The following USP7 variants were observed in gnomAD, a reference collection of about 807,000 sequenced individuals.
USP7 encodes the protein ubiquitin C-terminal hydrolase 7.
Under a neutral mutation model 162.9 loss-of-function variants are expected in USP7, and 9 were observed. The ratio of observed to expected loss-of-function variants is 0.06; its 90% confidence interval spans 0.03 to 0.10. USP7 has a LOEUF of 0.10. Ranked by LOEUF, USP7 falls within the 10% of genes least tolerant of loss-of-function variation. The probability of loss-of-function intolerance (pLI) is 1.00; values close to 1 mark genes in which losing one functional copy is unlikely to be tolerated. For synonymous variants in USP7, 562 were observed against 475.9 expected (o/e 1.18, Z -2.35); for missense variants, 715 against 1,373.7 (o/e 0.52, Z 7.58).
At chr16:8,954,795 CTAAA>C (rs1899717310) in intron 1 of USP7, among the ~76,000 whole-genome samples, 1 of 151,980 alleles carries the variant, frequency 6.6e-6, no homozygotes, top group African/African-American at 2.4e-5. Flanking sequence ...CCCCCCTCTA[CTAAA>C]GATACAAAAA....
At chr16:8,911,085 T>G (rs541576276) in intron 10 of USP7, among the ~76,000 whole-genome samples, 2 of 152,214 alleles carry the variant, frequency 1.3e-5, no homozygotes, top group African/African-American at 4.8e-5. Context: ...TTTACTGTTA[T>G]TCGAACAAAG....
intron 1 of USP7, among the ~76,000 whole-genome samples, chr16:8,945,031 G>C (rs565858658): frequency 2.6e-5 from 4 of 152,144 alleles, no homozygotes; most frequent in African/African-American, 9.7e-5. Context: ...GCAGATGAAA[G>C]ACCTGAGGTC....
intron 1 of USP7, among the ~76,000 whole-genome samples, chr16:8,950,142 T>C (rs1899483100): frequency 6.6e-6 from 1 of 152,242 alleles, no homozygotes; most frequent in Non-Finnish European, 1.5e-5. Context: ...ACATGAAATA[T>C]GGCCATGGAG....
At chr16:8,907,361 CTG>C (rs2061877214) in intron 12 of USP7, among the ~76,000 whole-genome samples, 1 of 152,206 alleles carries the variant, frequency 6.6e-6, no homozygotes, top group African/African-American at 2.4e-5. Context: ...ACGGTAAAGA[CTG>C]TGAATGGGTG....
At chr16:8,918,314 G>C (rs1213600460) in intron 6 of USP7, among the ~76,000 whole-genome samples, 3 of 152,232 alleles carry the variant, frequency 2.0e-5, no homozygotes, top group African/African-American at 7.2e-5. Flanking sequence ...ATAATCACAA[G>C]TAATTCTCAA....
chr16:8,944,149 C>T (rs1194968610), intron 1 of USP7, among the ~76,000 whole-genome samples: 1 of 151,912 alleles, frequency 6.6e-6, no homozygotes, highest in African/African-American at 2.4e-5. Flanking sequence ...TCCTTCTTGC[C>T]TTTTTGCTTG....
chr16:8,963,176 G>T (rs1438145671), intron 1 of USP7, 31 bp downstream of exon 1: 64 of 1,393,980 alleles, frequency 4.6e-5, no homozygotes, highest in Non-Finnish European at 6.0e-5. Context: ...GGCGCCCCCC[G>T]GCCCCGCCGC....
At chr16:8,912,733 G>C (rs1383382860) in intron 10 of USP7, among the ~76,000 whole-genome samples, 1 of 150,926 alleles carries the variant, frequency 6.6e-6, no homozygotes, top group Non-Finnish European at 1.5e-5. Context: ...GACTAGCCTG[G>C]CCTAACACAG....
chr16:8,913,662 A>T (rs2061985287), intron 10 of USP7, among the ~76,000 whole-genome samples: 1 of 152,100 alleles, frequency 6.6e-6, no homozygotes, highest in Non-Finnish European at 1.5e-5. Context: ...ATTCCTAACG[A>T]GAATCCATAT....
In USP7 at chr16:8,946,366, T is replaced by TG. The variant is rs1225982200; in HGVS notation, c.80-15970dup. Among the ~76,000 whole-genome samples the TG allele has an allele frequency of 2.0e-5, 3 of 152,038 alleles. No homozygotes were observed. In the East Asian group the frequency reaches 5.8e-4, roughly 29 times the overall value. On this transcript the variant is annotated intron_variant, in intron 1 of 30. Coordinates refer to ENST00000344836, the MANE Select transcript of USP7 (RefSeq NM_003470.3). ...GAGGCTGAGGCAGGAGGATCACTTG[T>TG]GGCCAGGAGTTCAAGACCAGCCTGG...
rs1051564015 is a variant in USP7, at chr16:8,893,849, C to G, written c.*149G>C. The G allele has an allele frequency of 1.5e-6, 1 of 681,512 alleles. No individual in the cohort carries two copies. Among genetic ancestry groups the G allele is most frequent in the Non-Finnish European group, 2.6e-6 (1 of 391,932 alleles). The allele number at this position is 681,512 out of a possible 1,614,324, so 42.2% of individuals were successfully genotyped here. A position where few individuals can be genotyped will look rare whatever the true frequency, so the allele number is the denominator to read the frequency against. On this transcript the variant is annotated 3_prime_UTR_variant, in exon 31 of 31. Coordinates refer to ENST00000344836, the MANE Select transcript of USP7 (RefSeq NM_003470.3). ...GGGCAGTCAATAGATACAGAGAAGC[C>G]AAACTGAACAGCCTCAATAAAATAA...
At chr16:8,935,305 G>GA (rs1385230836) in intron 1 of USP7, among the ~76,000 whole-genome samples, 1 of 151,830 alleles carries the variant, frequency 6.6e-6, no homozygotes, top group Non-Finnish European at 1.5e-5. Context: ...AGCCTCCTGG[G>GA]TTCAAGTGAT....
Position 8,904,615 on chromosome 16 carries a change from C to A in USP7, c.1574-50G>T, listed in dbSNP as rs2061829299. The A allele has an allele frequency of 3.8e-6, 6 of 1,598,924 alleles. No homozygotes were observed. The East Asian group carries it at 1.3e-4, about 36-fold the overall frequency. On this transcript the variant is annotated intron_variant, in intron 14 of 30. Transcript: ENST00000344836. ...GACCCCTGCAGATGGACTTTCCCCTCTTAGAAGCTCCCGATTCTAGGTCAT... is the reference window on the plus strand; with the variant it reads ...GACCCCTGCAGATGGACTTTCCCCTATTAGAAGCTCCCGATTCTAGGTCAT...
chr16:8,962,520 A>C (rs934390831), intron 1 of USP7: 34 of 450,164 alleles, frequency 7.6e-5, no homozygotes, highest in African/African-American at 6.4e-4. Flanking sequence ...CATGTGCGGC[A>C]GGGCTTTCGC....
chr16:8,936,618 G>A, intron 1 of USP7: 1 of 1,558,154 alleles, frequency 6.4e-7, no homozygotes, highest in African/African-American at 1.4e-5. Flanking sequence ...AGCCATCTCT[G>A]CATGGCTCTG....
intron 1 of USP7, among the ~76,000 whole-genome samples, chr16:8,942,016 T>C (rs1899068073): frequency 6.6e-6 from 1 of 152,144 alleles, no homozygotes; most frequent in Admixed American, 6.5e-5. Flanking sequence ...GAGTGGCAAA[T>C]TCTGTGGCAA....
intron 14 of USP7, among the ~76,000 whole-genome samples, chr16:8,904,873 G>A (rs1010459813): frequency 2.0e-5 from 3 of 152,300 alleles, no homozygotes; most frequent in South Asian, 2.1e-4. Flanking sequence ...TTGGGAGGCT[G>A]AGGCAGGAGA....
intron 1 of USP7, chr16:8,962,636 G>C (rs574999138): frequency 6.9e-6 from 2 of 289,874 alleles, no homozygotes; most frequent in Non-Finnish European, 1.5e-5. Context: ...GCCCGGGTCA[G>C]AACTCTGGGC....
In USP7 at chr16:8,963,359, C is replaced by CGGGGCGGCG; in HGVS notation, c.-83_-75dup. The CGGGGCGGCG allele has an allele frequency of 2.0e-6, 1 of 496,326 alleles. No homozygotes were observed. Among genetic ancestry groups the CGGGGCGGCG allele is most frequent in the Non-Finnish European group, 2.6e-6 (1 of 387,958 alleles). 30.7% of individuals were successfully genotyped at this position (496,326 alleles called of 1,614,324 possible). A position where few individuals can be genotyped will look rare whatever the true frequency, so the allele number is the denominator to read the frequency against. On this transcript the variant is annotated 5_prime_UTR_variant, in exon 1 of 31. Transcript: ENST00000344836. ...GCCCGGCGGGCGGGCGGCGGCGAGC[C>CGGGGCGGCG]GGGGCGGCGGCGGCGGCGGCGGCGG...
Sources: allele counts gnomAD v4.1 joint callset (sites outside exome capture counted in the v4.1 genomes callset), GRCh38; gene constraint gnomAD v4.1.1; transcripts MANE v1.5; gene names NCBI Gene and HGNC (gene_info 2026-07-23, HGNC 2026-07-21).